Variants in LHFPL3 observed in about 807,000 individuals in gnomAD.
LHFPL3 encodes LHFPL tetraspan subfamily member 3 protein.
LHFPL3 carries 5 observed loss-of-function variants against 19.3 expected under a neutral mutation model. The ratio of observed to expected loss-of-function variants is 0.26; its 90% CI spans 0.14 to 0.54. The LOEUF is 0.54. Among genes scored for constraint, LHFPL3 ranks in the 20% least tolerant of loss-of-function variants. LHFPL3 has a pLI of 0.94. For missense variants in LHFPL3, 249 were observed against 307.4 expected, an observed-to-expected ratio of 0.81 and a Z score of 1.42; for synonymous variants, 133 against 126.2, an observed-to-expected ratio of 1.05 and a Z score of -0.36.
At chr7:104,792,189 C>G (rs1444674108) in intron 2 of LHFPL3, among the ~76,000 whole-genome samples, 1 of 152,152 alleles carries the variant, frequency 6.6e-6, no homozygotes, top group Non-Finnish European at 1.5e-5. Context: ...CTACAAGCAT[C>G]CAATGGATAG....
chr7:104,580,859 T>C (rs537007219), intron 1 of LHFPL3, among the ~76,000 whole-genome samples: 54 of 152,256 alleles, frequency 3.5e-4, no homozygotes, highest in African/African-American at 1.3e-3. Context: ...TGTTGTTGCA[T>C]GTATCACAAT....
intron 2 of LHFPL3, among the ~76,000 whole-genome samples, chr7:104,754,754 A>G (rs1405026699): frequency 6.6e-6 from 1 of 152,228 alleles, no homozygotes; most frequent in Non-Finnish European, 1.5e-5. Context: ...AAGAAAGGAT[A>G]TGAGAGAACT....
chr7:104,518,281 C>A (rs915702666), intron 1 of LHFPL3, among the ~76,000 whole-genome samples: 6 of 152,052 alleles, frequency 3.9e-5, no homozygotes, highest in Non-Finnish European at 7.4e-5. Context: ...AGCCTTATTG[C>A]AACAGAATAC....
chr7:104,512,060 T>C (rs1243754825), intron 1 of LHFPL3, among the ~76,000 whole-genome samples: 1 of 150,392 alleles, frequency 6.6e-6, no homozygotes. Context: ...GTTCAAGCGA[T>C]TCTCATACCT....
chr7:104,829,578 G>C (rs1584560843), intron 2 of LHFPL3, among the ~76,000 whole-genome samples: 1 of 151,580 alleles, frequency 6.6e-6, no homozygotes, highest in Non-Finnish European at 1.5e-5. Flanking sequence ...AGAACATGTG[G>C]TGTTTGGTTT....
chr7:104,449,908 A>G (rs1792400716), intron 1 of LHFPL3, among the ~76,000 whole-genome samples: 1 of 151,950 alleles, frequency 6.6e-6, no homozygotes, highest in South Asian at 2.1e-4. Flanking sequence ...GTCGGCCTGG[A>G]TTTTCTTGGT....
At chr7:104,905,765 G>T (rs1443164034) in intron 2 of LHFPL3, among the ~76,000 whole-genome samples, 1 of 152,108 alleles carries the variant, frequency 6.6e-6, no homozygotes. Context: ...TTAAATTGTG[G>T]GTCATTAATC....
At chr7:104,650,791 A>G (rs947425197) in intron 1 of LHFPL3, among the ~76,000 whole-genome samples, 1 of 152,240 alleles carries the variant, frequency 6.6e-6, no homozygotes, top group African/African-American at 2.4e-5. Flanking sequence ...AAAGAAGTCA[A>G]TGACAGGAGA....
chr7:104,510,417 T>C (rs1159555638), intron 1 of LHFPL3, among the ~76,000 whole-genome samples: 1 of 152,008 alleles, frequency 6.6e-6, no homozygotes, highest in Non-Finnish European at 1.5e-5. Context: ...GAACCCCAAA[T>C]AGACAAGGTT....
chr7:104,336,001 G>A (rs998532662), intron 1 of LHFPL3, among the ~76,000 whole-genome samples: 2 of 152,068 alleles, frequency 1.3e-5, no homozygotes, highest in African/African-American at 4.8e-5. Flanking sequence ...AGCAAATAAC[G>A]CTCTAGGAGA....
chr7:104,346,360 C>G (rs1294037135), intron 1 of LHFPL3, among the ~76,000 whole-genome samples: 1 of 142,468 alleles, frequency 7.0e-6, no homozygotes, highest in African/African-American at 2.7e-5. Flanking sequence ...TTTTGGTCAT[C>G]TGTTCTGCTG....
intron 1 of LHFPL3, among the ~76,000 whole-genome samples, chr7:104,459,090 C>A (rs940661774): frequency 6.6e-6 from 1 of 152,226 alleles, no homozygotes; most frequent in African/African-American, 2.4e-5. Context: ...TCTGCTCTGG[C>A]AGCTCAAGGT....
chr7:104,374,200 ATC>A (rs59835743), intron 1 of LHFPL3, among the ~76,000 whole-genome samples: 79,652 of 149,420 alleles, frequency 0.53, 21,363 homozygotes, highest in African/African-American at 0.63. Context: ...CTATCTATCT[ATC>A]TATATATGTG....
At chr7:104,403,168 A>T (rs1026928488) in intron 1 of LHFPL3, among the ~76,000 whole-genome samples, 1 of 152,212 alleles carries the variant, frequency 6.6e-6, no homozygotes, top group African/African-American at 2.4e-5. Flanking sequence ...ACATTCACAC[A>T]TGTATCCCAG....
intron 1 of LHFPL3, among the ~76,000 whole-genome samples, chr7:104,601,755 C>T (rs921763188): frequency 7.9e-5 from 12 of 152,170 alleles, no homozygotes; most frequent in Non-Finnish European, 1.2e-4. Flanking sequence ...GCCCCAAGAA[C>T]AGCCAGACCT....
At chr7:104,710,544 G>T (rs1793282760) in intron 1 of LHFPL3, among the ~76,000 whole-genome samples, 2 of 152,136 alleles carry the variant, frequency 1.3e-5, no homozygotes, top group Non-Finnish European at 2.9e-5. Context: ...ATTGTATAAT[G>T]GTTAAGAGGT....
intron 1 of LHFPL3, among the ~76,000 whole-genome samples, chr7:104,418,193 T>C (rs1791662242): frequency 6.6e-6 from 1 of 152,116 alleles, no homozygotes; most frequent in Non-Finnish European, 1.5e-5. Flanking sequence ...GCATTTTCTA[T>C]TGTTGTTCTT....
chr7:104,459,946 T>C (rs1047600390), intron 1 of LHFPL3, among the ~76,000 whole-genome samples: 2 of 152,326 alleles, frequency 1.3e-5, no homozygotes, highest in African/African-American at 4.8e-5. Flanking sequence ...CACAGATTAC[T>C]TCATCACCCA....
intron 1 of LHFPL3, among the ~76,000 whole-genome samples, chr7:104,627,717 A>G (rs555088416): frequency 1.3e-5 from 2 of 152,296 alleles, no homozygotes; most frequent in African/African-American, 4.8e-5. Context: ...TGTATAACAA[A>G]TTAGTAGAGG....
Sources: gnomAD v4.1 joint callset for allele counts (sites outside exome capture counted in the v4.1 genomes callset) on GRCh38, gnomAD v4.1.1 for gene constraint, MANE v1.5 for transcripts, NCBI Gene and HGNC (gene_info 2026-07-23, HGNC 2026-07-21) for gene names.